The following CDH13 variants were observed in gnomAD, a reference collection of about 807,000 sequenced individuals.
CDH13 encodes cadherin 13.
Under a neutral mutation model 63.8 loss-of-function variants are expected in CDH13, and 24 were observed. The ratio of observed to expected loss-of-function variants is 0.38; its 90% CI spans 0.27 to 0.53. The LOEUF is 0.53. Among genes scored for constraint, CDH13 ranks in the 20% least tolerant of loss-of-function variants. CDH13 has a pLI of 0.85. For missense variants in CDH13, 1,049 were observed against 903.1 expected (o/e 1.16, Z -2.07); for synonymous variants, 503 against 355.3 (o/e 1.42, Z -4.67).
chr16:83,215,539 C>CA (rs2039472289), intron 4 of CDH13, among the ~76,000 whole-genome samples: 1 of 150,390 alleles, frequency 6.6e-6, no homozygotes, highest in Non-Finnish European at 1.5e-5. Context: ...GTGATCCTGC[C>CA]AGATGAACCC....
At chr16:83,371,009 G>C (rs1052774341) in intron 6 of CDH13, among the ~76,000 whole-genome samples, 1 of 152,130 alleles carries the variant, frequency 6.6e-6, no homozygotes, top group Non-Finnish European at 1.5e-5. Context: ...AGTCAGAATG[G>C]CTATTACTAA....
At chr16:83,202,385 G>T (rs961781727) in intron 4 of CDH13, among the ~76,000 whole-genome samples, 8 of 152,140 alleles carry the variant, frequency 5.3e-5, no homozygotes, top group African/African-American at 1.9e-4. Context: ...TTCCTGAGGG[G>T]ACTTGAATTT....
chr16:83,233,211 C>T (rs1008930863), intron 5 of CDH13, among the ~76,000 whole-genome samples: 1 of 152,172 alleles, frequency 6.6e-6, no homozygotes, highest in African/African-American at 2.4e-5. Context: ...AGTTTTCTCC[C>T]TTAGGACCAT....
Position 83,479,230 on chromosome 16 carries a change from C to T in CDH13, c.782-7247C>T, listed in dbSNP as rs573755041. On this transcript the variant is annotated intron_variant, in intron 6 of 13. Coordinates refer to ENST00000567109, the MANE Select transcript of CDH13 (RefSeq NM_001257.5). ...TTAAGTAACTCCTGTTTCTGTAGATCCTGAGAGTGAGTCCTAGAAGCAGTG... is the reference window on the plus strand; with the variant it reads ...TTAAGTAACTCCTGTTTCTGTAGATTCTGAGAGTGAGTCCTAGAAGCAGTG... Among the ~76,000 whole-genome samples, 384 of 122,444 alleles carry T rather than the reference C, an allele frequency of 3.1e-3. 2 individuals carry two copies. Among genetic ancestry groups the T allele is most frequent in the African/African-American group, 9.8e-3 (361 of 36,846 alleles). The allele number at this position is 122,444 out of a possible 152,430, so 80.3% of individuals were successfully genotyped here. A position where few individuals can be genotyped will look rare whatever the true frequency, so the allele number is the denominator to read the frequency against.
chr16:83,714,333 T>G (rs899748153), intron 10 of CDH13, among the ~76,000 whole-genome samples: 6 of 152,180 alleles, frequency 3.9e-5, no homozygotes. Context: ...TTAATAGAAA[T>G]GAAATCTACG....
chr16:82,865,325 C>G (rs968790895), intron 2 of CDH13, among the ~76,000 whole-genome samples: 1 of 152,248 alleles, frequency 6.6e-6, no homozygotes, highest in African/African-American at 2.4e-5. Context: ...CCCTTCTGCA[C>G]TGCCTTAGCA....
intron 1 of CDH13, among the ~76,000 whole-genome samples, chr16:82,852,841 C>A (rs535181950): frequency 9.2e-5 from 14 of 152,264 alleles, no homozygotes; most frequent in African/African-American, 3.4e-4. Context: ...CTAACCACAT[C>A]TGCTGGCCAC....
At chr16:83,409,735 C>A (rs1453251928) in intron 6 of CDH13, among the ~76,000 whole-genome samples, 1 of 152,186 alleles carries the variant, frequency 6.6e-6, no homozygotes, top group Admixed American at 6.5e-5. Context: ...AATCATTCAG[C>A]TTTTCCCCAG....
intron 1 of CDH13, among the ~76,000 whole-genome samples, chr16:82,646,501 A>G (rs1247050065): frequency 6.6e-6 from 1 of 152,150 alleles, no homozygotes; most frequent in South Asian, 2.1e-4. Context: ...GCCTAAGCAC[A>G]TGACTTTTAA....
intron 6 of CDH13, among the ~76,000 whole-genome samples, chr16:83,364,689 C>A (rs984662254): frequency 3.9e-5 from 6 of 152,070 alleles, no homozygotes; most frequent in Non-Finnish European, 8.8e-5. Flanking sequence ...ATGAATGTTT[C>A]TTTTATAGAT....
At chr16:83,567,716 C>G (rs1904296229) in intron 7 of CDH13, among the ~76,000 whole-genome samples, 2 of 152,158 alleles carry the variant, frequency 1.3e-5, no homozygotes, top group Admixed American at 1.3e-4. Flanking sequence ...CTGTCTCAGC[C>G]TCCTGAATAG....
At chr16:82,732,072 C>T (rs536618980) in intron 1 of CDH13, among the ~76,000 whole-genome samples, 3 of 152,168 alleles carry the variant, frequency 2.0e-5, no homozygotes, top group East Asian at 3.9e-4. Context: ...TGAGTTCTTC[C>T]CTTTATGCAC....
chr16:83,606,079 A>G (rs1381285609), intron 8 of CDH13, among the ~76,000 whole-genome samples: 1 of 152,206 alleles, frequency 6.6e-6, no homozygotes, highest in African/African-American at 2.4e-5. Flanking sequence ...ACAGAGAGGA[A>G]AGATGGGGCT....
At chr16:83,656,124 T>G (rs1397478319) in intron 8 of CDH13, among the ~76,000 whole-genome samples, 3 of 152,142 alleles carry the variant, frequency 2.0e-5, no homozygotes, top group Non-Finnish European at 4.4e-5. Context: ...CAACCATAAG[T>G]CTGTTTTCTG....
intron 8 of CDH13, among the ~76,000 whole-genome samples, chr16:83,614,437 C>T (rs563242251): frequency 6.6e-6 from 1 of 152,346 alleles, no homozygotes; most frequent in East Asian, 1.9e-4. Flanking sequence ...CCTCTGGCCT[C>T]TTAGACAGCA....
chr16:83,194,236 A>T (rs186886902), intron 4 of CDH13, among the ~76,000 whole-genome samples: 49 of 152,264 alleles, frequency 3.2e-4, no homozygotes, highest in African/African-American at 1.1e-3. Flanking sequence ...CACCCTGACA[A>T]TCCACGGGGG....
intron 1 of CDH13, among the ~76,000 whole-genome samples, chr16:82,669,773 C>T (rs1414962997): frequency 6.6e-6 from 1 of 152,192 alleles, no homozygotes; most frequent in Admixed American, 6.5e-5. Flanking sequence ...AGTTATCACC[C>T]TCTCCAGTGA....
At chr16:83,593,716 T>G (rs1479606083) in intron 7 of CDH13, among the ~76,000 whole-genome samples, 1 of 152,172 alleles carries the variant, frequency 6.6e-6, no homozygotes, top group East Asian at 1.9e-4. Context: ...ATATGACTAA[T>G]TGTTACATAG....
chr16:83,389,462 A>C (rs991827069), intron 6 of CDH13, among the ~76,000 whole-genome samples: 2 of 152,204 alleles, frequency 1.3e-5, no homozygotes, highest in Admixed American at 6.5e-5. Flanking sequence ...TGTTCTGTCT[A>C]AACTAGGAGC....
Sources: allele counts gnomAD v4.1 joint callset (sites outside exome capture counted in the v4.1 genomes callset), GRCh38; gene constraint gnomAD v4.1.1; transcripts MANE v1.5; gene names NCBI Gene and HGNC (gene_info 2026-07-23, HGNC 2026-07-21).